CPAMD8: variants seen among roughly 807,000 people sequenced by gnomAD.
The protein encoded by CPAMD8 is C3 and PZP like alpha-2-macroglobulin domain containing 8.
Under a neutral mutation model 224.7 loss-of-function variants are expected in CPAMD8, and 146 were observed. That is an observed-to-expected ratio of 0.65 (90% CI 0.57 to 0.75). The LOEUF (loss-of-function observed/expected upper bound fraction) is 0.75, where lower values mean the gene tolerates loss of function less well. Among genes scored for constraint, CPAMD8 ranks in the 30% least tolerant of loss-of-function variants. The pLI, the probability that CPAMD8 is intolerant of heterozygous loss-of-function variation, is 0.00. For missense variants in CPAMD8, 2,301 were observed against 2,537.5 expected, an observed-to-expected ratio of 0.91 and a Z score of 2.00; for synonymous variants, 966 against 1,044.6, an observed-to-expected ratio of 0.92 and a Z score of 1.45.
intron 14 of CPAMD8, among the ~76,000 whole-genome samples, chr19:16,977,993 G>A (rs113893733): frequency 0.012 from 1,802 of 152,206 alleles, 35 homozygotes; most frequent in African/African-American, 0.04. Context: ...GACTTGAACC[G>A]AGTTCATACT....
chr19:17,012,027 T>C (rs554580629), intron 3 of CPAMD8, among the ~76,000 whole-genome samples: 1 of 152,224 alleles, frequency 6.6e-6, no homozygotes, highest in South Asian at 2.1e-4. Flanking sequence ...GCCCCAAATA[T>C]CTTTTTTTTT....
intron 18 of CPAMD8, among the ~76,000 whole-genome samples, chr19:16,966,138 A>G (rs1255770965): frequency 1.3e-5 from 2 of 152,184 alleles, no homozygotes; most frequent in African/African-American, 4.8e-5. Context: ...TGGTACCAAA[A>G]CAGATATATA....
intron 1 of CPAMD8, 72 bp downstream of exon 1, chr19:17,026,479 C>A: frequency 1.4e-6 from 2 of 1,392,672 alleles, no homozygotes; most frequent in Non-Finnish European, 1.9e-6. Context: ...GTCGCTGCAA[C>A]ACTCTGAGCC....
chr19:16,981,889 G>T (rs969541963), intron 13 of CPAMD8, among the ~76,000 whole-genome samples: 13 of 152,146 alleles, frequency 8.5e-5, no homozygotes, highest in Non-Finnish European at 1.5e-4. Flanking sequence ...CTGGACAGAG[G>T]GTCCTGAGGC....
At chr19:16,954,837 G>T (rs912392134) in intron 19 of CPAMD8, among the ~76,000 whole-genome samples, 1 of 150,720 alleles carries the variant, frequency 6.6e-6, no homozygotes, top group East Asian at 1.9e-4. Flanking sequence ...CAAAAAATTA[G>T]CTAGGCATTG....
intron 32 of CPAMD8, 103 bp from the exon 33 acceptor site, chr19:16,903,960 G>T: frequency 8.3e-7 from 1 of 1,209,388 alleles, no homozygotes; most frequent in Non-Finnish European, 1.2e-6. Context: ...CACCAACGGG[G>T]CTGGAATAGA....
At chr19:16,987,204 A>G (rs1330435732) in intron 13 of CPAMD8, among the ~76,000 whole-genome samples, 3 of 125,384 alleles carry the variant, frequency 2.4e-5, no homozygotes, top group Non-Finnish European at 5.0e-5. Flanking sequence ...ATATATATAT[A>G]TATATGTATA....
chr19:16,925,196 C>T lies in CPAMD8; in HGVS notation c.3547G>A (p.Gly1183Ser). The T allele has an allele frequency of 6.2e-7, 1 of 1,614,116 alleles. No homozygotes were observed. Among genetic ancestry groups the T allele is most frequent in the Non-Finnish European group, 8.5e-7 (1 of 1,179,998 alleles). ...ERETTDYLVQ[G>S]YQRQLTYKRQ... Reference sequence around the variant, plus strand: ...AACCCAGGCACTTCTTCCCCAATACCTTGTACTAGGTAGTCGGTGGTCTCT... The same window carrying T: ...AACCCAGGCACTTCTTCCCCAATACTTTGTACTAGGTAGTCGGTGGTCTCT... Residue 1183 changes from glycine to serine, a missense_variant and splice_region_variant, in exon 26 of 42, where the codon GGC becomes AGC. Physicochemically the swap from Gly to Ser is moderately conservative, Grantham distance 56 (BLOSUM62 0). Around this residue, in one of 4 missense-constraint regions of CPAMD8, gnomAD observed 1,709 missense variants for 1,753.2 expected, o/e 0.97. Coordinates refer to ENST00000443236, the MANE Select transcript of CPAMD8 (RefSeq NM_015692.5).
chr19:17,000,979 T>C (rs977084197), intron 9 of CPAMD8, among the ~76,000 whole-genome samples: 1 of 152,130 alleles, frequency 6.6e-6, no homozygotes, highest in Non-Finnish European at 1.5e-5. Context: ...TGTCTGTATG[T>C]CACTCCTGAT....
chr19:16,938,584 A>G (rs914972977), intron 22 of CPAMD8, 138 bp from the exon 23 acceptor site: 14 of 602,726 alleles, frequency 2.3e-5, no homozygotes, highest in Admixed American at 1.8e-4. Flanking sequence ...ACGTGGTATC[A>G]GCACGGTCAC....
intron 5 of CPAMD8, among the ~76,000 whole-genome samples, chr19:17,009,925 C>T (rs146041059): frequency 9.1e-4 from 138 of 152,204 alleles, no homozygotes; most frequent in Middle Eastern, 3.4e-3. Context: ...GGATCCTGCC[C>T]GAGATTCACA....
At chr19:16,914,173 C>G (rs2052839257) in intron 29 of CPAMD8, among the ~76,000 whole-genome samples, 1 of 152,176 alleles carries the variant, frequency 6.6e-6, no homozygotes, top group African/African-American at 2.4e-5. Flanking sequence ...GCTCTGTACT[C>G]AGGGCACCTC....
chr19:16,925,518 A>C (rs1207545461), intron 25 of CPAMD8, 146 bp from the exon 26 acceptor site: 5 of 637,168 alleles, frequency 7.8e-6, no homozygotes, highest in Non-Finnish European at 1.4e-5. Flanking sequence ...CTGCCTGCTC[A>C]GACCAGCTGG....
At chr19:16,980,740 A>G in intron 13 of CPAMD8, 54 bp from the exon 14 acceptor site, 1 of 1,406,020 alleles carries the variant, frequency 7.1e-7, no homozygotes, top group South Asian at 1.5e-5. Flanking sequence ...GTTGCAACCC[A>G]CCACAGGAAG....
chr19:17,014,182 G>T (rs2056749602), intron 3 of CPAMD8, among the ~76,000 whole-genome samples: 1 of 152,142 alleles, frequency 6.6e-6, no homozygotes, highest in Admixed American at 6.6e-5. Context: ...CTACTGAGAA[G>T]CCAGGACTGC....
intron 17 of CPAMD8, among the ~76,000 whole-genome samples, chr19:16,972,958 C>T (rs1305109546): frequency 6.6e-6 from 1 of 152,122 alleles, no homozygotes; most frequent in Non-Finnish European, 1.5e-5. Context: ...CCATTAAGCC[C>T]AGGAGTTCAA....
intron 22 of CPAMD8, among the ~76,000 whole-genome samples, chr19:16,944,390 G>T (rs146318921): frequency 5.9e-5 from 9 of 152,162 alleles, no homozygotes; most frequent in Non-Finnish European, 1.0e-4. Context: ...ACAGTTCTGC[G>T]GCATGGATGG....
chr19:16,916,608 G>A (rs558786046), intron 27 of CPAMD8, among the ~76,000 whole-genome samples: 11 of 151,818 alleles, frequency 7.2e-5, no homozygotes, highest in Admixed American at 1.3e-4. Context: ...GCGTGGTGGC[G>A]GGCACCTGTA....
chr19:17,006,531 GAAA>G, intron 7 of CPAMD8, among the ~76,000 whole-genome samples: 1 of 134,526 alleles, frequency 7.4e-6, no homozygotes, highest in East Asian at 2.2e-4. Flanking sequence ...TGCCTCTTGA[GAAA>G]AAAAAAAAAA....
Sources: allele counts gnomAD v4.1 joint callset (sites outside exome capture counted in the v4.1 genomes callset), GRCh38; gene constraint gnomAD v4.1.1; regional missense constraint gnomAD v4.1.1; transcripts MANE v1.5; gene names NCBI Gene and HGNC (gene_info 2026-07-23, HGNC 2026-07-21).